Variants in ARHGAP10 observed in about 807,000 individuals in gnomAD.
ARHGAP10 encodes the protein rho GTPase-activating protein 10.
Under a neutral mutation model 108.6 loss-of-function variants are expected in ARHGAP10, and 87 were observed. The ratio of observed to expected loss-of-function variants is 0.80; its 90% confidence interval spans 0.67 to 0.96. The LOEUF (loss-of-function observed/expected upper bound fraction) is 0.96. Among genes scored for constraint, ARHGAP10 ranks in the 40% least tolerant of loss-of-function variants. ARHGAP10 has a pLI of 0.00. For missense variants in ARHGAP10, 939 were observed against 954.5 expected (o/e 0.98, Z 0.21); for synonymous variants, 347 against 341.1 (o/e 1.02, Z -0.19).
At chr4:147,898,668 C>T (rs1192823955) in intron 10 of ARHGAP10, among the ~76,000 whole-genome samples, 1 of 152,162 alleles carries the variant, frequency 6.6e-6, no homozygotes, top group Non-Finnish European at 1.5e-5. Context: ...TTTCACTTTT[C>T]CCACCTGATT....
At chr4:147,931,122 T>A (rs936244997) in intron 13 of ARHGAP10, among the ~76,000 whole-genome samples, 3 of 152,194 alleles carry the variant, frequency 2.0e-5, no homozygotes, top group African/African-American at 4.8e-5. Flanking sequence ...GTGGGTGATG[T>A]GAGTAGTGCT....
At chr4:148,012,562 A>G (rs1261094848) in intron 18 of ARHGAP10, among the ~76,000 whole-genome samples, 2 of 152,208 alleles carry the variant, frequency 1.3e-5, no homozygotes, top group African/African-American at 4.8e-5. Flanking sequence ...CAGATTTTCT[A>G]AGCCCTTGTT....
At chr4:147,782,401 A>G (rs1254366930) in intron 1 of ARHGAP10, among the ~76,000 whole-genome samples, 1 of 152,154 alleles carries the variant, frequency 6.6e-6, no homozygotes, top group Non-Finnish European at 1.5e-5. Context: ...ATACATTTTC[A>G]GGAGTGGGTT....
intron 20 of ARHGAP10, among the ~76,000 whole-genome samples, chr4:148,049,639 T>C (rs1225042140): frequency 6.6e-6 from 1 of 152,148 alleles, no homozygotes; most frequent in African/African-American, 2.4e-5. Flanking sequence ...CTTGTCCGTA[T>C]TTCTGCTGAT....
rs145038841 is a variant in ARHGAP10, at chr4:148,064,778, G to C, written c.2272+271G>C. The stretch of plus-strand genomic sequence containing the variant: ...TCATTCAGGTCATCTCTCTCCTGAC[G>C]GGAAGAAGCTAGTGTCACTTGGACT... On this transcript the variant is annotated intron_variant, in intron 22 of 22. Transcript: ENST00000336498. 1.8e-4 allele frequency among the ~76,000 whole-genome samples: 28 copies of C among 152,284 alleles called. No homozygotes were observed. In the East Asian group the frequency reaches 4.8e-3, roughly 26 times the overall value.
chr4:148,004,723 AAGCAGATTGATCCCCAGTTC>A (rs1740873807), intron 18 of ARHGAP10, among the ~76,000 whole-genome samples: 1 of 152,160 alleles, frequency 6.6e-6, no homozygotes. Flanking sequence ...ATGAGTTTGG[AAGCAGATTGATCCCCAGTTC>A]AGCGTCCAGA....
intron 10 of ARHGAP10, among the ~76,000 whole-genome samples, chr4:147,892,262 C>A (rs1246627140): frequency 1.3e-5 from 2 of 152,184 alleles, no homozygotes; most frequent in Non-Finnish European, 2.9e-5. Flanking sequence ...TATTTAGTAT[C>A]TGTTTGCATG....
At chr4:147,991,207 C>T (rs748812470) in intron 18 of ARHGAP10, among the ~76,000 whole-genome samples, 16 of 151,654 alleles carry the variant, frequency 1.1e-4, no homozygotes, top group Admixed American at 2.6e-4. Context: ...GTCTAGGGCC[C>T]GCTTCTCTGG....
intron 10 of ARHGAP10, among the ~76,000 whole-genome samples, chr4:147,885,052 A>G (rs531036390): frequency 9.9e-5 from 15 of 151,998 alleles, no homozygotes; most frequent in Non-Finnish European, 2.2e-4. Flanking sequence ...TTCTGGGGAT[A>G]AACTGGATGT....
intron 18 of ARHGAP10, among the ~76,000 whole-genome samples, chr4:148,000,649 G>T (rs1175136207): frequency 6.6e-6 from 1 of 152,144 alleles, no homozygotes; most frequent in East Asian, 1.9e-4. Context: ...TCTCATTGTG[G>T]TTTTGATTTG....
intron 1 of ARHGAP10, among the ~76,000 whole-genome samples, chr4:147,781,681 C>CTTTTTTTTTTTTTTTTTTT (rs56781517): frequency 6.1e-5 from 8 of 130,556 alleles, no homozygotes; most frequent in Middle Eastern, 3.9e-3. Flanking sequence ...CTTTTCTTTT[C>CTTTTTTTTTTTTTTTTTTT]TTTTTTTTTT....
At chr4:147,900,630 A>G (rs960225779) in intron 10 of ARHGAP10, among the ~76,000 whole-genome samples, 1 of 152,180 alleles carries the variant, frequency 6.6e-6, no homozygotes, top group Non-Finnish European at 1.5e-5. Context: ...AGAAAATGGC[A>G]GTGTTCTCAG....
At chr4:147,754,897 C>T (rs1477614136) in intron 1 of ARHGAP10, among the ~76,000 whole-genome samples, 1 of 152,010 alleles carries the variant, frequency 6.6e-6, no homozygotes, top group Non-Finnish European at 1.5e-5. Context: ...AGCTCGAGAC[C>T]AGCCTGACCA....
At chr4:147,923,010 C>T (rs1249360451) in intron 13 of ARHGAP10, among the ~76,000 whole-genome samples, 2 of 152,166 alleles carry the variant, frequency 1.3e-5, no homozygotes, top group Non-Finnish European at 2.9e-5. Context: ...ATAGTAAGCA[C>T]TCAGTAAGCA....
chr4:148,019,033 A>C (rs1741460149), intron 18 of ARHGAP10, among the ~76,000 whole-genome samples: 1 of 152,222 alleles, frequency 6.6e-6, no homozygotes, highest in African/African-American at 2.4e-5. Context: ...TTTATATCCA[A>C]AATTTCAGTG....
At chr4:147,944,500 C>T (rs77762492) in intron 14 of ARHGAP10, among the ~76,000 whole-genome samples, 6,299 of 152,286 alleles carry the variant, frequency 0.041, 137 homozygotes, top group African/African-American at 0.048. Flanking sequence ...AAAGTTTCAG[C>T]CCAACATTGA....
At chr4:147,769,001 G>T (rs142098787) in intron 1 of ARHGAP10, among the ~76,000 whole-genome samples, 1,739 of 152,162 alleles carry the variant, frequency 0.011, 30 homozygotes, top group East Asian at 0.074. Flanking sequence ...GCCTCCCAAA[G>T]TGCTGGGATT....
intron 1 of ARHGAP10, among the ~76,000 whole-genome samples, chr4:147,748,187 C>A (rs1729012206): frequency 6.6e-6 from 1 of 152,144 alleles, no homozygotes; most frequent in South Asian, 2.1e-4. Flanking sequence ...ACAAGTATAC[C>A]TGGACCTGTG....
intron 5 of ARHGAP10, 36 bp from the exon 6 acceptor site, chr4:147,864,810 T>C: frequency 6.3e-7 from 1 of 1,584,672 alleles, no homozygotes. Context: ...CTTTTCACCA[T>C]CTCCAGTTTG....
Sources: gnomAD v4.1 joint callset for allele counts (sites outside exome capture counted in the v4.1 genomes callset) on GRCh38, gnomAD v4.1.1 for gene constraint, MANE v1.5 for transcripts, NCBI Gene and HGNC (gene_info 2026-07-23, HGNC 2026-07-21) for gene names.